Variants in TACC2 observed in about 807,000 individuals in gnomAD.
TACC2 encodes transforming acidic coiled-coil containing protein 2.
A neutral mutation model predicts 227.3 loss-of-function variants in TACC2; 137 were observed. That is an observed-to-expected ratio of 0.60 (90% CI 0.52 to 0.69). TACC2 has a LOEUF of 0.69. TACC2 is among the 30% of genes least tolerant of loss of function. The probability of loss-of-function intolerance (pLI) is 0.00; values close to 1 mark genes in which losing one functional copy is unlikely to be tolerated. For synonymous variants in TACC2, 1,523 were observed against 1,487.5 expected (o/e 1.02, Z -0.55); for missense variants, 3,470 against 3,694.4 (o/e 0.94, Z 1.57).
rs1475664046 is a variant in TACC2, at chr10:122,213,247, A to C, written c.7283+1539A>C. ...GCATTGCCCTACAGCGGTGGCCGCCATATCCTAACCCATTAATAACCAGTT... is the reference window on the plus strand; with the variant it reads ...GCATTGCCCTACAGCGGTGGCCGCCCTATCCTAACCCATTAATAACCAGTT... On this transcript the variant is annotated intron_variant, in intron 9 of 22. Coordinates refer to ENST00000369005, the MANE Select transcript of TACC2 (RefSeq NM_206862.4). The C allele has an allele frequency of 9.7e-6, 13 of 1,346,106 alleles. No homozygotes were observed. The East Asian group carries it at 3.0e-4, about 31-fold the overall frequency. The allele number at this position is 1,346,106 out of a possible 1,614,324, so 83.4% of individuals were successfully genotyped here.
At chr10:122,045,444 CT>C in intron 2 of TACC2, among the ~76,000 whole-genome samples, 1 of 152,196 alleles carries the variant, frequency 6.6e-6, no homozygotes, top group East Asian at 1.9e-4. Flanking sequence ...GTGGCTTAAC[CT>C]CTCTGTGCCC....
chr10:122,085,427 G>T lies in TACC2; in HGVS notation c.2927G>T (p.Gly976Val), dbSNP rs1341866497. The T allele has an allele frequency of 6.2e-7, 1 of 1,613,890 alleles. No homozygotes were observed. The highest frequency in any genetic ancestry group is 1.3e-5 in the African/African-American group (1 of 75,026). The change falls in exon 4 of 23, where the codon GGG becomes GTG. Residue 976 changes from glycine to valine, a missense_variant. Physicochemically the swap from Gly to Val is moderately radical, Grantham distance 109 (BLOSUM62 -3). Transcript: ENST00000369005. ...GTCTTAAAAGACTTTTCTCTTGCAG[G>T]GAACTTCAGCAGAAAGGAAACTTGC... ...ADVLKDFSLAGNFSRKETCCT... is the reference protein window; with the variant it reads ...ADVLKDFSLAVNFSRKETCCT...
At chr10:122,201,428 G>A (rs2094846990) in intron 8 of TACC2, among the ~76,000 whole-genome samples, 1 of 152,132 alleles carries the variant, frequency 6.6e-6, no homozygotes, top group Admixed American at 6.5e-5. Flanking sequence ...TCTACACTGA[G>A]AAGACAGTGA....
chr10:122,105,601 C>T (rs2082664731), intron 5 of TACC2, among the ~76,000 whole-genome samples: 1 of 151,440 alleles, frequency 6.6e-6, no homozygotes, highest in Non-Finnish European at 1.5e-5. Flanking sequence ...CCTGTCTTTC[C>T]ACGTAGCGTC....
chr10:122,235,104 T>A (rs1026181382), intron 16 of TACC2, among the ~76,000 whole-genome samples: 1 of 152,228 alleles, frequency 6.6e-6, no homozygotes, highest in Non-Finnish European at 1.5e-5. Flanking sequence ...AAAATTTTTT[T>A]AAGACAGAGT....
intron 11 of TACC2, among the ~76,000 whole-genome samples, chr10:122,223,019 C>T (rs993322730): frequency 2.0e-5 from 3 of 151,128 alleles, no homozygotes; most frequent in African/African-American, 7.3e-5. Flanking sequence ...CCTGTCCATC[C>T]CTGTCTCCTT....
At chr10:122,201,903 G>T (rs1304446830) in intron 8 of TACC2, among the ~76,000 whole-genome samples, 1 of 152,192 alleles carries the variant, frequency 6.6e-6, no homozygotes, top group East Asian at 1.9e-4. Flanking sequence ...AAGCCGATTA[G>T]TGGCAAAGCC....
At chr10:122,012,441 A>G (rs1956065111) in intron 1 of TACC2, among the ~76,000 whole-genome samples, 1 of 142,944 alleles carries the variant, frequency 7.0e-6, no homozygotes, top group African/African-American at 2.5e-5. Flanking sequence ...AAAAAAAAAG[A>G]TGGGGTTTCG....
Position 122,237,501 on chromosome 10 carries a change from C to T in TACC2, c.8234C>T (p.Pro2745Leu). 6.2e-7 allele frequency: 1 copy of T among 1,614,026 alleles called. No individual in the cohort carries two copies. Among genetic ancestry groups the T allele is most frequent in the Non-Finnish European group, 8.5e-7 (1 of 1,179,944 alleles). ...EKPAGLLFQQ[P>L]DLDSALQIAR... ...CCTGCAGGCCTTCTGTTCCAGCAGC[C>T]CGACCTGGACTCTGCCCTCCAGATC... is the stretch of plus-strand genomic sequence containing the variant. The change falls in exon 17 of 23, where the codon CCC becomes CTC. Residue 2745 changes from proline to leucine, a missense_variant. By Grantham distance (98) the Pro-to-Leu change is moderately conservative (BLOSUM62 -3). Around this residue, in one of 10 missense-constraint regions of TACC2, gnomAD observed 345 missense variants for 354.4 expected, o/e 0.97. Transcript: ENST00000369005.
At chr10:122,243,864 G>A (rs948593633) in intron 19 of TACC2, among the ~76,000 whole-genome samples, 3 of 152,060 alleles carry the variant, frequency 2.0e-5, no homozygotes, top group Non-Finnish European at 4.4e-5. Flanking sequence ...CGGGGGAAAG[G>A]GTGTGAGCTT....
chr10:122,249,453 C>A lies in TACC2; in HGVS notation c.8661-91C>A, dbSNP rs552120971. On this transcript the variant is annotated intron_variant, in intron 21 of 22. Coordinates refer to ENST00000369005, the MANE Select transcript of TACC2 (RefSeq NM_206862.4). ...CAGTTGGTGGCAGCTGGGGCCAGAC[C>A]AGGCCACTCTCCCTGCCTGGACCTG... 7.8e-5 allele frequency: 120 copies of A among 1,543,316 alleles called. 1 individual carries two copies. The highest frequency in any genetic ancestry group is 1.0e-4 in the Non-Finnish European group (115 of 1,134,762).
Position 122,086,095 on chromosome 10 carries a change from G to C in TACC2, c.3595G>C (p.Glu1199Gln), listed in dbSNP as rs2080067932. The change falls in exon 4 of 23, where the codon GAG (glutamate) becomes CAG (glutamine). Residue 1199 changes from glutamate (E) to glutamine (Q), a missense_variant. By Grantham distance (29) the Glu-to-Gln change is conservative. Coordinates refer to ENST00000369005, the MANE Select transcript of TACC2 (RefSeq NM_206862.4). The part of the protein sequence containing the change: ...SCQDALLPAR[E>Q]LGGIPRSTMD... ...CCAGGATGCCTTGCTGCCAGCCAGA[G>C]AGCTGGGTGGGATTCCCAGGAGCAC... The C allele has an allele frequency of 6.2e-7, 1 of 1,613,622 alleles. No homozygotes were observed. The highest frequency in any genetic ancestry group is 1.7e-5 in the Admixed American group (1 of 60,004).
intron 7 of TACC2, among the ~76,000 whole-genome samples, chr10:122,183,172 T>C (rs1157507516): frequency 6.6e-6 from 1 of 150,984 alleles, no homozygotes; most frequent in Non-Finnish European, 1.5e-5. Flanking sequence ...GCCACTGCAC[T>C]CCAGCCTGGG....
At chr10:122,096,138 T>C (rs1183023133) in intron 5 of TACC2, among the ~76,000 whole-genome samples, 3 of 152,174 alleles carry the variant, frequency 2.0e-5, no homozygotes, top group African/African-American at 7.2e-5. Context: ...TGGTTGTGTC[T>C]CTAGAATGGA....
rs10887043 is a variant in TACC2 at position 122,008,269 on chromosome 10, T to A, written c.-45-13668T>A. 1.1e-4 allele frequency among the ~76,000 whole-genome samples: 17 copies of A among 148,952 alleles called. No homozygotes were observed. In the East Asian group the frequency reaches 1.4e-3, roughly 12 times the overall value. On this transcript the variant is annotated intron_variant, in intron 1 of 22. Coordinates refer to ENST00000369005, the MANE Select transcript of TACC2 (RefSeq NM_206862.4). ...TTGTTATTATTATTATTATTATTTTTTTTTTTTGAGACAGAATTTTGCTCT... is the reference window on the plus strand; with the variant it reads ...TTGTTATTATTATTATTATTATTTTATTTTTTTGAGACAGAATTTTGCTCT...
rs762026579 is a variant in TACC2, at chr10:122,086,464, C to G, written c.3964C>G (p.Pro1322Ala). The G allele has an allele frequency of 9.9e-6, 16 of 1,613,830 alleles. No individual in the cohort carries two copies. The highest frequency in any genetic ancestry group is 1.3e-5 in the Non-Finnish European group (15 of 1,180,018). Reference sequence around the variant, plus strand: ...TCCCAAAGCCAGAACCACTGAGGGACCAGTGGACTCCATGCCATGCCTGGA... The same window carrying G: ...TCCCAAAGCCAGAACCACTGAGGGAGCAGTGGACTCCATGCCATGCCTGGA... Reference protein sequence around the residue: ...GSPKARTTEGPVDSMPCLDRM... With the variant: ...GSPKARTTEGAVDSMPCLDRM... Residue 1322 changes from proline to alanine, a missense_variant, in exon 4 of 23, where the codon CCA (proline) becomes GCA (alanine). By Grantham distance (27) the Pro-to-Ala change is conservative. This residue lies in a region of TACC2 where 1,924 missense variants were observed against 1,978.3 expected (regional missense o/e 0.97). Coordinates refer to ENST00000369005, the MANE Select transcript of TACC2 (RefSeq NM_206862.4).
chr10:122,072,884 A>T (rs764504622), intron 3 of TACC2, among the ~76,000 whole-genome samples: 2 of 151,874 alleles, frequency 1.3e-5, no homozygotes, highest in Non-Finnish European at 2.9e-5. Context: ...GAGGCCAAGG[A>T]GGGCAGATCA....
chr10:122,112,347 C>T (rs1482950250), intron 5 of TACC2, among the ~76,000 whole-genome samples: 1 of 152,142 alleles, frequency 6.6e-6, no homozygotes, highest in African/African-American at 2.4e-5. Flanking sequence ...CCTCACATGC[C>T]AATAGATACA....
At chr10:122,091,565 T>A (rs555805209) in intron 5 of TACC2, among the ~76,000 whole-genome samples, 2 of 152,234 alleles carry the variant, frequency 1.3e-5, no homozygotes, top group African/African-American at 4.8e-5. Flanking sequence ...TTCCTAACAT[T>A]GGTTGAGGGT....
Sources: gnomAD v4.1 joint callset for allele counts (sites outside exome capture counted in the v4.1 genomes callset) on GRCh38, gnomAD v4.1.1 for gene constraint, gnomAD v4.1.1 regional missense constraint, MANE v1.5 for transcripts, NCBI Gene and HGNC (gene_info 2026-07-23, HGNC 2026-07-21) for gene names.